The following SPTA1 variants were observed in gnomAD, a reference collection of about 807,000 sequenced individuals.
SPTA1 encodes the protein spectrin alpha chain, erythrocytic 1.
A neutral mutation model predicts 324.7 loss-of-function variants in SPTA1; 177 were observed. The ratio of observed to expected loss-of-function variants is 0.55; its 90% CI spans 0.48 to 0.62. SPTA1 has a LOEUF of 0.62. Among genes scored for constraint, SPTA1 ranks in the 20% least tolerant of loss-of-function variants. The probability of loss-of-function intolerance (pLI) is 0.00; values close to 1 mark genes in which losing one functional copy is unlikely to be tolerated. For missense variants in SPTA1, 3,162 were observed against 2,883.6 expected (o/e 1.10, Z -2.21); for synonymous variants, 1,195 against 1,041.3 (o/e 1.15, Z -2.84).
At chr1:158,641,297 A>G (rs1280814077) in intron 33 of SPTA1, among the ~76,000 whole-genome samples, 2 of 152,168 alleles carry the variant, frequency 1.3e-5, no homozygotes, top group African/African-American at 2.4e-5. Context: ...ACAAAAGCCA[A>G]AATTGACAAA....
At chr1:158,617,859 C>T (rs533790236) in intron 46 of SPTA1, among the ~76,000 whole-genome samples, 180 bp downstream of exon 46, 16 of 152,202 alleles carry the variant, frequency 1.1e-4, no homozygotes, top group Admixed American at 7.9e-4. Context: ...GGCAAGATTC[C>T]GTCTAGTGAA....
intron 2 of SPTA1, among the ~76,000 whole-genome samples, chr1:158,683,904 G>C (rs1654991190): frequency 6.6e-6 from 1 of 151,716 alleles, no homozygotes; most frequent in Non-Finnish European, 1.5e-5. Flanking sequence ...TCTATAAATT[G>C]ATCCATTCAA....
At chr1:158,677,415 GT>G in intron 7 of SPTA1, among the ~76,000 whole-genome samples, 1 of 152,108 alleles carries the variant, frequency 6.6e-6, no homozygotes, top group South Asian at 2.1e-4. Context: ...TATTTGTTTT[GT>G]TTTTAAATTG....
chr1:158,626,919 G>C lies in SPTA1; in HGVS notation c.5753C>G (p.Ala1918Gly). The C allele has an allele frequency of 1.9e-6, 3 of 1,613,938 alleles. No homozygotes were observed. The highest frequency in any genetic ancestry group is 2.5e-6 in the Non-Finnish European group (3 of 1,179,860). Residue 1918 changes from alanine to glycine, a missense_variant, in exon 41 of 52, where the codon GCT becomes GGT. Transcript: ENST00000643759. ...GTCTTCCAATTGCAACTTCCAAGCA[G>C]CTATTGCCTTAGCCAGAGAAGGGGT... Reference protein sequence around the residue: ...EKTPSLAKAIAAWKLQLEDDY... With the variant: ...EKTPSLAKAIGAWKLQLEDDY...
rs929975694 is a variant in SPTA1 at position 158,676,201 on chromosome 1, C to T, written c.1052G>A (p.Ser351Asn). 6.2e-7 allele frequency: 1 copy of T among 1,613,764 alleles called. No homozygotes were observed. The highest frequency in any genetic ancestry group is 8.5e-7 in the Non-Finnish European group (1 of 1,179,790). Residue 351 changes from serine to asparagine, a missense_variant, in exon 8 of 52, where the codon AGC becomes AAC. Transcript: ENST00000643759. Reference sequence around the variant, plus strand: ...GGCCAGGGCACGAATATGCTCCCAGCTGGAGACCAGATCTTCTTTCATCTC... The same window carrying T: ...GGCCAGGGCACGAATATGCTCCCAGTTGGAGACCAGATCTTCTTTCATCTC... ...IQEMKEDLVS[S>N]WEHIRALATS... is the part of the protein sequence containing the mutation.
chr1:158,622,143 C>T (rs981285635), intron 43 of SPTA1, among the ~76,000 whole-genome samples: 5 of 152,178 alleles, frequency 3.3e-5, no homozygotes, highest in East Asian at 1.9e-4. Context: ...GGATTATAGG[C>T]GTGAGCCACT....
At position 158,626,188 on chromosome 1, in the gene SPTA1, A is replaced by G. The variant is rs1650253679; in HGVS notation, c.5868T>C (p.Asn1956=). Reference sequence around the variant, plus strand: ...TGAGGAAGTCACCAAGGTCTGCACCATTGCCATTGGTCTTTAGGCTTGTTT... The same window carrying G: ...TGAGGAAGTCACCAAGGTCTGCACCGTTGCCATTGGTCTTTAGGCTTGTTT... ...DKETSLKTNG[N]GADLGDFLTL... is the part of the protein sequence containing the mutation. The change falls in exon 42 of 52, where the codon AAT becomes AAC. Residue 1956 remains asparagine (N), a synonymous_variant. Transcript: ENST00000643759. The G allele has an allele frequency of 6.2e-7, 1 of 1,613,770 alleles. No homozygotes were observed. The highest frequency in any genetic ancestry group is 8.5e-7 in the Non-Finnish European group (1 of 1,179,696).
At position 158,671,334 on chromosome 1, in the gene SPTA1, A is replaced by G. The variant is rs1290918245; in HGVS notation, c.1599+9T>C. The G allele has an allele frequency of 6.2e-7, 1 of 1,612,196 alleles. No individual in the cohort carries two copies. The highest frequency in any genetic ancestry group is 1.1e-5 in the South Asian group (1 of 90,922). On this transcript the variant is annotated intron_variant, in intron 12 of 51. Transcript: ENST00000643759. The stretch of plus-strand genomic sequence containing the variant: ...GGAGCCAATGCCCAAACTAGGGCCA[A>G]TTTCTTACTATGATCTTCTCTTCCT...
At chr1:158,618,969 AAGGTGAG>A (rs1649741674) in intron 45 of SPTA1, among the ~76,000 whole-genome samples, 1 of 152,248 alleles carries the variant, frequency 6.6e-6, no homozygotes, top group African/African-American at 2.4e-5. Context: ...AACAGAAAGA[AAGGTGAG>A]AGTATCAAGG....
intron 13 of SPTA1, 58 bp downstream of exon 13, chr1:158,669,651 A>C: frequency 6.2e-7 from 1 of 1,613,984 alleles, no homozygotes; most frequent in South Asian, 1.1e-5. Flanking sequence ...CATGCCCACC[A>C]AAACTCTTCT....
At chr1:158,666,629 C>T (rs1427477908) in intron 15 of SPTA1, 132 bp from the exon 16 acceptor site, 2 of 814,020 alleles carry the variant, frequency 2.5e-6, no homozygotes, top group African/African-American at 1.7e-5. Flanking sequence ...AACTGTCTCA[C>T]ATGTCTCACA....
intron 38 of SPTA1, 123 bp from the exon 39 acceptor site, chr1:158,634,798 A>C (rs1571408490): frequency 8.8e-7 from 1 of 1,138,428 alleles, no homozygotes; most frequent in East Asian, 2.5e-5. Flanking sequence ...CCACAGTTGA[A>C]GTGGGCCTCA....
At chr1:158,667,132 G>A (rs898296528) in intron 15 of SPTA1, among the ~76,000 whole-genome samples, 1 of 151,748 alleles carries the variant, frequency 6.6e-6, no homozygotes, top group African/African-American at 2.4e-5. Context: ...GTTTGATTTT[G>A]TTTTTCTAAA....
Position 158,650,352 on chromosome 1 carries a change from G to A in SPTA1, c.3478-405C>T, listed in dbSNP as rs528207921. 2.6e-5 allele frequency among the ~76,000 whole-genome samples: 4 copies of A among 152,270 alleles called. No homozygotes were observed. The East Asian group carries it at 7.7e-4, about 29-fold the overall frequency. ...TTTAAAGCCCTACTTTCTATAGGGG[G>A]TAAGTACATTGTTCCGCTTCGTATT... On this transcript the variant is annotated intron_variant, in intron 24 of 51. Transcript: ENST00000643759.
At chr1:158,623,240 G>A in intron 42 of SPTA1, 48 bp from the exon 43 acceptor site, 2 of 1,506,938 alleles carry the variant, frequency 1.3e-6, no homozygotes, top group Non-Finnish European at 1.8e-6. Flanking sequence ...TGGTGCAAGG[G>A]TCATTCACAT....
chr1:158,674,621 C>T lies in SPTA1; in HGVS notation c.1167G>A (p.Lys389=), dbSNP rs1457727385. 2 of 1,613,950 alleles carry T rather than the reference C, an allele frequency of 1.2e-6. No individual in the cohort carries two copies. The highest frequency in any genetic ancestry group is 2.2e-5 in the South Asian group (2 of 91,084). ...GCTCATCAGCATTGATCGCAGCAGT[C>T]TTCTCGTTCATCCAGCCTGAGAGTT... ...FDELSGWMNE[K]TAAINADELP... Residue 389 remains lysine (K), a synonymous_variant, in exon 9 of 52, where the codon AAG becomes AAA. Transcript: ENST00000643759.
intron 10 of SPTA1, among the ~76,000 whole-genome samples, 186 bp from the exon 11 acceptor site, chr1:158,672,382 G>A (rs542798046): frequency 1.2e-4 from 18 of 152,084 alleles, no homozygotes; most frequent in Non-Finnish European, 2.1e-4. Context: ...CCATAAAAGA[G>A]GTAAAACACT....
chr1:158,642,235 A>G (rs928154030), intron 33 of SPTA1, among the ~76,000 whole-genome samples, 176 bp downstream of exon 33: 7 of 152,074 alleles, frequency 4.6e-5, no homozygotes, highest in Admixed American at 3.9e-4. Context: ...GGTGCAGCAC[A>G]CCAACATGGC....
At chr1:158,685,021 C>A in intron 2 of SPTA1, 87 bp downstream of exon 2, 2 of 1,488,404 alleles carry the variant, frequency 1.3e-6, no homozygotes, top group East Asian at 2.3e-5. Flanking sequence ...CCCACACATA[C>A]CCATTAACAT....
Sources: allele counts gnomAD v4.1 joint callset (sites outside exome capture counted in the v4.1 genomes callset), GRCh38; gene constraint gnomAD v4.1.1; transcripts MANE v1.5; gene names NCBI Gene and HGNC (gene_info 2026-07-23, HGNC 2026-07-21).